Variants in PDE1C observed in about 807,000 individuals in gnomAD.
PDE1C encodes dual specificity calcium/calmodulin-dependent 3',5'-cyclic nucleotide phosphodiesterase 1C.
PDE1C carries 62 observed loss-of-function variants against 93.1 expected under a neutral mutation model. That is an observed-to-expected ratio of 0.67 (90% confidence interval 0.54 to 0.82). The LOEUF (loss-of-function observed/expected upper bound fraction) is 0.82, where lower values mean the gene tolerates loss of function less well. Among genes scored for constraint, PDE1C ranks in the 40% least tolerant of loss-of-function variants. PDE1C has a pLI of 0.00. For synonymous variants in PDE1C, 325 were observed against 310.1 expected, an observed-to-expected ratio of 1.05 and a Z score of -0.50; for missense variants, 742 against 884.6, an observed-to-expected ratio of 0.84 and a Z score of 2.04.
intron 1 of PDE1C, among the ~76,000 whole-genome samples, chr7:32,345,381 T>A (rs215678): frequency 6.6e-6 from 1 of 152,050 alleles, no homozygotes; most frequent in African/African-American, 2.4e-5. Context: ...CCCCAGTATC[T>A]CAAATCAAGT....
intron 1 of PDE1C, among the ~76,000 whole-genome samples, chr7:32,244,724 G>A (rs532612018): frequency 2.6e-5 from 4 of 152,306 alleles, no homozygotes; most frequent in Non-Finnish European, 4.4e-5. Flanking sequence ...GTGATGTTCC[G>A]CTGTAAAGAA....
intron 2 of PDE1C, among the ~76,000 whole-genome samples, chr7:31,956,111 C>CTT (rs67549702): frequency 0.032 from 4,716 of 148,850 alleles, 231 homozygotes; most frequent in African/African-American, 0.11. Context: ...TTTCTCCCCG[C>CTT]TTTTTTTTTT....
In PDE1C at chr7:32,044,189, T is replaced by C. The variant is rs966890934; in HGVS notation, c.128+7365A>G. On this transcript the variant is annotated intron_variant, in intron 2 of 17. Transcript: ENST00000396191. Reference sequence around the variant, plus strand: ...GGTGGAAATACCTAAGAAGTTTCCATTGAAAGGGATGGTCTTTGAATTGGA... The same window carrying C: ...GGTGGAAATACCTAAGAAGTTTCCACTGAAAGGGATGGTCTTTGAATTGGA... 3.3e-5 allele frequency among the ~76,000 whole-genome samples: 5 copies of C among 152,226 alleles called. No individual in the cohort carries two copies. In the East Asian group the frequency reaches 5.8e-4, roughly 18 times the overall value.
At chr7:32,410,725 C>T (rs913367657) in intron 1 of PDE1C, among the ~76,000 whole-genome samples, 1 of 152,180 alleles carries the variant, frequency 6.6e-6, no homozygotes, top group Non-Finnish European at 1.5e-5. Flanking sequence ...TCCTCCGCTT[C>T]CCGGACAGTG....
At chr7:32,009,237 C>T (rs1250499648) in intron 2 of PDE1C, among the ~76,000 whole-genome samples, 2 of 152,150 alleles carry the variant, frequency 1.3e-5, no homozygotes, top group Non-Finnish European at 2.9e-5. Context: ...GGGAAGGTTT[C>T]CAGGGCTCAG....
At chr7:31,918,625 T>C (rs1404704556) in intron 2 of PDE1C, among the ~76,000 whole-genome samples, 1 of 152,250 alleles carries the variant, frequency 6.6e-6, no homozygotes, top group Non-Finnish European at 1.5e-5. Context: ...ATTCCTTCTC[T>C]GTAGGCTTTC....
the PDE1C span, among the ~76,000 whole-genome samples, chr7:31,691,696 T>A: frequency 6.7e-6 from 1 of 148,696 alleles, no homozygotes; most frequent in Non-Finnish European, 1.5e-5. Flanking sequence ...TAAAGATCTA[T>A]CCAAAACCCA....
At chr7:32,221,088 A>C (rs1806823585) in intron 1 of PDE1C, among the ~76,000 whole-genome samples, 1 of 152,106 alleles carries the variant, frequency 6.6e-6, no homozygotes, top group South Asian at 2.1e-4. Context: ...ACATTTGAGG[A>C]CAACTGTCAT....
In PDE1C at chr7:32,400,671, C is replaced by T. The variant is rs77225972; in HGVS notation, c.310+27151G>A. Among the ~76,000 whole-genome samples the T allele has an allele frequency of 1.8e-3, 267 of 152,332 alleles. 1 individual carries two copies. The highest frequency in any genetic ancestry group is 6.1e-3 in the African/African-American group (254 of 41,572). On this transcript the variant is annotated intron_variant, in intron 1 of 1. Transcript: ENST00000672256. ...GGACTAGAAGGTGTTTAAGGCTCTT[C>T]CCTGCTCTGACATTTATGATTTTGT...
chr7:31,961,740 T>G (rs1420098116), intron 2 of PDE1C, among the ~76,000 whole-genome samples: 2 of 152,202 alleles, frequency 1.3e-5, no homozygotes, highest in African/African-American at 4.8e-5. Context: ...TACTATACAT[T>G]GTGTTACATG....
At chr7:31,860,555 C>A (rs956972122) in intron 7 of PDE1C, among the ~76,000 whole-genome samples, 2 of 151,948 alleles carry the variant, frequency 1.3e-5, no homozygotes, top group Non-Finnish European at 1.5e-5. Flanking sequence ...CTGTTAATTG[C>A]CTGCTCATAC....
At chr7:32,425,671 A>G (rs981591414) in intron 1 of PDE1C, among the ~76,000 whole-genome samples, 18 of 152,200 alleles carry the variant, frequency 1.2e-4, no homozygotes, top group African/African-American at 4.3e-4. Context: ...TGAAAGCAGA[A>G]GAAGAAAAAT....
downstream of PDE1C, among the ~76,000 whole-genome samples, chr7:31,747,818 G>A (rs1404050997): frequency 7.0e-6 from 1 of 142,146 alleles, no homozygotes; most frequent in East Asian, 2.1e-4. Context: ...GTTGAGTCAG[G>A]AGTCACAAGT....
chr7:31,662,384 A>G, the PDE1C span, among the ~76,000 whole-genome samples: 2 of 152,368 alleles, frequency 1.3e-5, no homozygotes, highest in South Asian at 4.1e-4. Flanking sequence ...AGACAGAATC[A>G]TCTCTAACTG....
chr7:31,732,099 T>A, the PDE1C span, among the ~76,000 whole-genome samples: 7 of 152,370 alleles, frequency 4.6e-5, no homozygotes, highest in East Asian at 1.9e-4. Flanking sequence ...ACAGCCCAGA[T>A]GCGAGGTGCG....
At chr7:32,286,662 A>T (rs1812022040) in intron 1 of PDE1C, among the ~76,000 whole-genome samples, 1 of 152,234 alleles carries the variant, frequency 6.6e-6, no homozygotes. Context: ...AGTTAGAGAG[A>T]CCAAGAGAGC....
At chr7:31,665,090 C>T in the PDE1C span, among the ~76,000 whole-genome samples, 2 of 152,178 alleles carry the variant, frequency 1.3e-5, no homozygotes, top group African/African-American at 4.8e-5. Context: ...TCCTCTCTCA[C>T]TATGTTGCAA....
chr7:31,982,333 T>C (rs1812496601), intron 2 of PDE1C, among the ~76,000 whole-genome samples: 1 of 152,212 alleles, frequency 6.6e-6, no homozygotes. Context: ...TTCCATGTGA[T>C]ATTCATCCAG....
At chr7:32,169,774 A>G (rs1473825975) in intron 3 of PDE1C, 3 of 1,611,276 alleles carry the variant, frequency 1.9e-6, no homozygotes, top group Non-Finnish European at 2.5e-6. Flanking sequence ...TTGAGTTGCA[A>G]TCCACCAAAC....
Sources: allele counts gnomAD v4.1 joint callset (sites outside exome capture counted in the v4.1 genomes callset), GRCh38; gene constraint gnomAD v4.1.1; transcripts MANE v1.5; gene names NCBI Gene and HGNC (gene_info 2026-07-23, HGNC 2026-07-21).